Variants in NDE1 observed in about 807,000 individuals in gnomAD.
NDE1 encodes the protein nudE neurodevelopment protein 1.
NDE1 carries 28 observed loss-of-function variants against 43.4 expected under a neutral mutation model. That is an observed-to-expected ratio of 0.65 (90% CI 0.48 to 0.89). NDE1 has a LOEUF of 0.89. Ranked by LOEUF, NDE1 falls within the 40% of genes least tolerant of loss-of-function variation. The pLI is 0.00. For missense variants in NDE1, 441 were observed against 434.1 expected, an observed-to-expected ratio of 1.02 and a Z score of -0.14; for synonymous variants, 184 against 172.0, an observed-to-expected ratio of 1.07 and a Z score of -0.55.
rs1346694975 is a variant in NDE1, at chr16:15,661,150, T to C, written c.-43-3586T>C. On this transcript the variant is annotated intron_variant, in intron 1 of 8. Coordinates refer to ENST00000396354, the MANE Select transcript of NDE1 (RefSeq NM_017668.3). Reference sequence around the variant, plus strand: ...TAACCCACCCACCTACCCAAGAGTTTTACTTGTTTTTTTTTTTTTTTTGAG... The same window carrying C: ...TAACCCACCCACCTACCCAAGAGTTCTACTTGTTTTTTTTTTTTTTTTGAG... 6.5e-4 allele frequency among the ~76,000 whole-genome samples: 91 copies of C among 140,054 alleles called. 1 individual carries two copies. Among genetic ancestry groups the C allele is most frequent in the Non-Finnish European group, 4.6e-5 (3 of 65,030 alleles). 91.9% of individuals were successfully genotyped at this position (140,054 alleles called of 152,430 possible).
chr16:15,668,404 A>C lies in NDE1; in HGVS notation c.237+965A>C, dbSNP rs544722344. Among the ~76,000 whole-genome samples, 29 of 152,168 alleles carry C rather than the reference A, an allele frequency of 1.9e-4. 2 individuals carry two copies. The highest frequency in any genetic ancestry group is 4.0e-4 in the Non-Finnish European group (27 of 68,026). ...CTGAACCTCGGGAGTAGCTGAGACT[A>C]CAGGCATGCGGCACCATGCCTGGTT... On this transcript the variant is annotated intron_variant, in intron 3 of 8. Coordinates refer to ENST00000396354, the MANE Select transcript of NDE1 (RefSeq NM_017668.3).
upstream of NDE1, among the ~76,000 whole-genome samples, chr16:15,645,319 CACA>C (rs1336515061): frequency 4.6e-5 from 7 of 152,080 alleles, no homozygotes; most frequent in African/African-American, 9.7e-5. Flanking sequence ...TGTAACTAGT[CACA>C]ACAAGTAAAT....
In NDE1 at chr16:15,717,436, C is replaced by T. The variant is rs1284229216; in HGVS notation, c.948-6755C>T. 3.6e-6 allele frequency: 5 copies of T among 1,403,764 alleles called. No homozygotes were observed. In the African/African-American group the frequency reaches 4.2e-5, roughly 12 times the overall value. 87.0% of individuals were successfully genotyped at this position (1,403,764 alleles called of 1,614,324 possible). A position where few individuals can be genotyped will look rare whatever the true frequency, so the allele number is the denominator to read the frequency against. ...CATGCCTCTTCCTGCCTTGTTTGGC[C>T]TCTGCACGAGTCCCTTGATCCCGGG... is the stretch of plus-strand genomic sequence containing the variant. On this transcript the variant is annotated intron_variant, in intron 8 of 8. Coordinates refer to ENST00000396354, the MANE Select transcript of NDE1 (RefSeq NM_017668.3).
chr16:15,703,913 G>C, intron 8 of NDE1: 1 of 1,594,474 alleles, frequency 6.3e-7, no homozygotes. Context: ...CTTTGTTCTG[G>C]GTTGTTGTTG....
In NDE1 at chr16:15,688,500, G is replaced by A. The variant is rs566098545; in HGVS notation, c.523+989G>A. Among the ~76,000 whole-genome samples the A allele has an allele frequency of 3.3e-5, 5 of 151,456 alleles. No individual in the cohort carries two copies. The East Asian group carries it at 1.0e-3, about 30-fold the overall frequency. The stretch of plus-strand genomic sequence containing the variant: ...AAATAGAAAACATGAGGGTATGGTG[G>A]TGGGTGCCTGCAATCCCAGCTGCTC... On this transcript the variant is annotated intron_variant, in intron 5 of 8. Coordinates refer to ENST00000396354, the MANE Select transcript of NDE1 (RefSeq NM_017668.3).
At chr16:15,709,796 C>G (rs1302119847) in intron 8 of NDE1, among the ~76,000 whole-genome samples, 2 of 152,168 alleles carry the variant, frequency 1.3e-5, no homozygotes, top group African/African-American at 2.4e-5. Flanking sequence ...CCGCCTGTCC[C>G]TTGGTTTATG....
At chr16:15,694,691 T>G (rs1256981594) in intron 7 of NDE1, 1 of 985,224 alleles carries the variant, frequency 1.0e-6, no homozygotes, top group African/African-American at 1.7e-5. Flanking sequence ...GCTGCTCCTT[T>G]AGCATCCCTG....
chr16:15,725,147 A>C lies in NDE1; in HGVS notation c.*896A>C, dbSNP rs113151354. The C allele has an allele frequency of 5.6e-5, 37 of 655,316 alleles. No homozygotes were observed. Among genetic ancestry groups the C allele is most frequent in the South Asian group, 1.0e-4 (6 of 57,228 alleles). 40.6% of individuals were successfully genotyped at this position (655,316 alleles called of 1,614,324 possible). ...ATGGGACTCTGATAAAAAAAAAAAA[A>C]AACACACACACACACAAAAAAAACA... On this transcript the variant is annotated 3_prime_UTR_variant, in exon 9 of 9. Coordinates refer to ENST00000396354, the MANE Select transcript of NDE1 (RefSeq NM_017668.3).
chr16:15,697,203 C>T (rs982923222), intron 8 of NDE1: 5 of 380,014 alleles, frequency 1.3e-5, no homozygotes, highest in South Asian at 1.1e-4. Flanking sequence ...TCACCGTGCT[C>T]GGCTAATTTT....
chr16:15,658,930 T>C (rs536529778), intron 1 of NDE1, among the ~76,000 whole-genome samples: 12 of 152,320 alleles, frequency 7.9e-5, no homozygotes, highest in South Asian at 2.1e-4. Flanking sequence ...GTGTTGAGAT[T>C]ACAGGCATGA....
At chr16:15,710,803 G>C (rs372263672) in intron 8 of NDE1, among the ~76,000 whole-genome samples, 1 of 151,914 alleles carries the variant, frequency 6.6e-6, no homozygotes, top group Non-Finnish European at 1.5e-5. Context: ...TCAGCCTCAC[G>C]AGTAGCTGGG....
chr16:15,648,858 G>A (rs1253058490), upstream of NDE1, among the ~76,000 whole-genome samples: 1 of 151,930 alleles, frequency 6.6e-6, no homozygotes, highest in Admixed American at 6.6e-5. Flanking sequence ...GAACAATTAG[G>A]GTTGCTGTGA....
At chr16:15,680,058 C>G (rs1349996678) in intron 4 of NDE1, among the ~76,000 whole-genome samples, 1 of 152,206 alleles carries the variant, frequency 6.6e-6, no homozygotes, top group Non-Finnish European at 1.5e-5. Flanking sequence ...GGATTACGGG[C>G]TTGAGCCACC....
At chr16:15,706,297 C>G (rs2039450391) in intron 8 of NDE1, among the ~76,000 whole-genome samples, 2 of 152,106 alleles carry the variant, frequency 1.3e-5, no homozygotes, top group South Asian at 4.1e-4. Context: ...CACTGTTTTC[C>G]AAGCGCTTGA....
chr16:15,686,039 C>T lies in NDE1; in HGVS notation c.387-1336C>T, dbSNP rs541851900. Among the ~76,000 whole-genome samples the T allele has an allele frequency of 1.8e-3, 273 of 151,722 alleles. 1 individual carries two copies. Among genetic ancestry groups the T allele is most frequent in the African/African-American group, 5.9e-3 (242 of 41,326 alleles). On this transcript the variant is annotated intron_variant, in intron 4 of 8. Coordinates refer to ENST00000396354, the MANE Select transcript of NDE1 (RefSeq NM_017668.3). Reference sequence around the variant, plus strand: ...TGATCTTGGCTCACTGCAACATTCACCTTCTGGGTTCAAGCGATTCTCCTG... The same window carrying T: ...TGATCTTGGCTCACTGCAACATTCATCTTCTGGGTTCAAGCGATTCTCCTG...
At chr16:15,680,233 C>T (rs1372984296) in intron 4 of NDE1, among the ~76,000 whole-genome samples, 1 of 152,058 alleles carries the variant, frequency 6.6e-6, no homozygotes, top group African/African-American at 2.4e-5. Context: ...TTTGTGTCTG[C>T]TCTGTGCACG....
intron 4 of NDE1, 86 bp from the exon 5 acceptor site, chr16:15,687,289 C>G: frequency 1.9e-6 from 3 of 1,607,250 alleles, no homozygotes; most frequent in Non-Finnish European, 2.5e-6. Context: ...CCAGGTGTGT[C>G]TGACCCTTCG....
chr16:15,652,255 G>T (rs2036540443), intron 1 of NDE1, among the ~76,000 whole-genome samples: 1 of 152,082 alleles, frequency 6.6e-6, no homozygotes, highest in Non-Finnish European at 1.5e-5. Flanking sequence ...GCCCAGGCTG[G>T]TCTCAAATTC....
intron 2 of NDE1, among the ~76,000 whole-genome samples, chr16:15,665,389 A>T (rs1043535225): frequency 6.6e-6 from 1 of 152,012 alleles, no homozygotes; most frequent in Non-Finnish European, 1.5e-5. Context: ...TGAACTCCAG[A>T]CCTATGGTCC....
Sources: gnomAD v4.1 joint callset for allele counts (sites outside exome capture counted in the v4.1 genomes callset) on GRCh38, gnomAD v4.1.1 for gene constraint, MANE v1.5 for transcripts, NCBI Gene and HGNC (gene_info 2026-07-23, HGNC 2026-07-21) for gene names.